Variants in HMCN2 observed in about 807,000 individuals in gnomAD.
HMCN2 encodes the protein hemicentin 2.
HMCN2 carries 325 observed loss-of-function variants against 377.5 expected under a neutral mutation model. The observed-to-expected ratio is 0.86, with a 90% CI of 0.79 to 0.94. The LOEUF (loss-of-function observed/expected upper bound fraction) is 0.94. Ranked by LOEUF, HMCN2 falls within the 40% of genes least tolerant of loss-of-function variation. The probability of loss-of-function intolerance (pLI) is 0.00; values close to 1 mark genes in which losing one functional copy is unlikely to be tolerated. For synonymous variants in HMCN2, 2,007 were observed against 2,046.8 expected (o/e 0.98, Z 0.53); for missense variants, 4,543 against 4,725.3 (o/e 0.96, Z 1.13).
rs28639618 is a variant in HMCN2, at chr9:130,428,711, G to T, written c.14197+222G>T. The stretch of plus-strand genomic sequence containing the variant: ...GCAGCTGGCACCTTCTTTGACAGGG[G>T]TGTTTTCTTTCTGCACCTCAGCATC... On this transcript the variant is annotated intron_variant, in intron 93 of 97. Transcript: ENST00000683500. The surrounding 1 kb of genome is among the most constrained non-coding windows in gnomAD (Gnocchi z 5.0). 6.8e-3 allele frequency among the ~76,000 whole-genome samples: 1,034 copies of T among 152,270 alleles called. 8 individuals carry two copies. The highest frequency in any genetic ancestry group is 0.023 in the African/African-American group (963 of 41,544).
rs1457618485 is a variant in HMCN2, at chr9:130,375,895, C to A, written c.7824C>A (p.Ile2608=). 1 of 985,844 alleles carries A rather than the reference C, an allele frequency of 1.0e-6. No homozygotes were observed. The highest frequency in any genetic ancestry group is 1.1e-4 in the East Asian group (1 of 8,828). 61.1% of individuals were successfully genotyped at this position (985,844 alleles called of 1,614,324 possible). Residue 2608 remains isoleucine, a synonymous_variant, in exon 51 of 98, where the codon ATC becomes ATA. Transcript: ENST00000683500. The stretch of plus-strand genomic sequence containing the variant: ...ACACAGGTACCCACGGGCTGCAGAT[C>A]CTGAATGCCCAGAAGGAAGATGCTG... ...QLLPGTHGLQ[I]LNAQKEDAGQ...
At chr9:130,348,430 G>A (rs1839507274) in intron 26 of HMCN2, 115 bp from the exon 27 acceptor site, 1 of 1,226,946 alleles carries the variant, frequency 8.2e-7, no homozygotes, top group Non-Finnish European at 1.0e-6. Flanking sequence ...GACGGGGACA[G>A]GCAGACCTTC....
intron 1 of HMCN2, among the ~76,000 whole-genome samples, chr9:130,266,372 C>T (rs1247415058): frequency 2.0e-5 from 3 of 152,046 alleles, no homozygotes; most frequent in African/African-American, 7.3e-5. Flanking sequence ...ACCTGCTCTC[C>T]CTGCTCTCCC....
Position 130,307,563 on chromosome 9 carries a change from C to G in HMCN2, c.2197C>G (p.Arg733Gly). Residue 733 changes from arginine to glycine, a missense_variant, in exon 14 of 98, where the codon CGA becomes GGA. Physicochemically the swap from Arg to Gly is moderately radical, Grantham distance 125. Coordinates refer to ENST00000683500, the MANE Select transcript of HMCN2 (RefSeq NM_001291815.2). ...GVPPPRVIWY[R>G]GGLEMILAPE... ...TCCCCCGCCCCGAGTCATCTGGTAT[C>G]GAGGTGTGTTGGTGGGGAGGGGCCC... 6.4e-6 allele frequency: 3 copies of G among 471,066 alleles called. No individual in the cohort carries two copies. The highest frequency in any genetic ancestry group is 1.3e-5 in the Non-Finnish European group (3 of 227,038). 29.2% of individuals were successfully genotyped at this position (471,066 alleles called of 1,614,324 possible).
At chr9:130,367,029 A>T (rs1412175213) in intron 43 of HMCN2, among the ~76,000 whole-genome samples, 2 of 152,138 alleles carry the variant, frequency 1.3e-5, no homozygotes, top group Non-Finnish European at 2.9e-5. Context: ...AGGGCTGAAC[A>T]TGAGAATATC....
intron 61 of HMCN2, among the ~76,000 whole-genome samples, chr9:130,386,868 C>T (rs1402581945): frequency 6.6e-6 from 1 of 152,220 alleles, no homozygotes; most frequent in South Asian, 2.1e-4. Flanking sequence ...CTGCCAGTGA[C>T]CTGCTTCATG....
intron 22 of HMCN2, among the ~76,000 whole-genome samples, chr9:130,332,413 G>C (rs1256727209): frequency 1.3e-5 from 2 of 152,330 alleles, no homozygotes; most frequent in East Asian, 3.9e-4. Flanking sequence ...TCTGCAAAAG[G>C]GGGTGTGGTA....
chr9:130,424,996 G>T lies in HMCN2; in HGVS notation c.13520-13G>T. The T allele has an allele frequency of 6.5e-7, 1 of 1,538,410 alleles. No individual in the cohort carries two copies. Among genetic ancestry groups the T allele is most frequent in the East Asian group, 2.5e-5 (1 of 40,776 alleles). The stretch of plus-strand genomic sequence containing the variant: ...CCCGTGGTGACTCTGGGCTGGGTGG[G>T]GATGGTTTGCAGGGGAGCTGCTCAC... On this transcript the variant is annotated splice_polypyrimidine_tract_variant and intron_variant, in intron 88 of 97. Transcript: ENST00000683500.
At position 130,319,252 on chromosome 9, in the gene HMCN2, G is replaced by T. The variant is rs949106078; in HGVS notation, c.2351-243G>T. Among the ~76,000 whole-genome samples, 174 of 152,084 alleles carry T rather than the reference G, an allele frequency of 1.1e-3. 1 individual carries two copies. The highest frequency in any genetic ancestry group is 4.0e-3 in the African/African-American group (166 of 41,486). On this transcript the variant is annotated intron_variant, in intron 15 of 97. Coordinates refer to ENST00000683500, the MANE Select transcript of HMCN2 (RefSeq NM_001291815.2). ...GCTGCTCCCTCCCCTGCACCTCTGG[G>T]GTAAAGCCAGGCCCCTGAGACCCCA...
At chr9:130,326,115 C>A (rs1366390347) in intron 21 of HMCN2, 145 bp downstream of exon 21, 1 of 152,282 alleles carries the variant, frequency 6.6e-6, no homozygotes, top group Non-Finnish European at 1.5e-5. Flanking sequence ...ACAGGACCCG[C>A]GTCCCCAGCA....
At chr9:130,315,046 C>T (rs962526365) in intron 15 of HMCN2, among the ~76,000 whole-genome samples, 4 of 151,906 alleles carry the variant, frequency 2.6e-5, no homozygotes, top group African/African-American at 9.7e-5. Flanking sequence ...GGGAGCGTGG[C>T]CTGACCAGCT....
chr9:130,362,285 G>T (rs1840428157), intron 39 of HMCN2, 120 bp downstream of exon 39: 3 of 613,772 alleles, frequency 4.9e-6, no homozygotes, highest in South Asian at 1.4e-4. Context: ...AGGGCCGAGG[G>T]CTAGAGGGAG....
chr9:130,407,784 C>G (rs1843181024), intron 83 of HMCN2, 79 bp downstream of exon 83: 1 of 1,076,920 alleles, frequency 9.3e-7, no homozygotes, highest in African/African-American at 1.7e-5. Context: ...TCCTAAGAAC[C>G]CAGCCTCCTG....
At chr9:130,299,461 G>C (rs543391371) in intron 8 of HMCN2, among the ~76,000 whole-genome samples, 173 bp downstream of exon 8, 7 of 152,272 alleles carry the variant, frequency 4.6e-5, no homozygotes, top group Non-Finnish European at 1.0e-4. Flanking sequence ...AAGATGCTCA[G>C]ATGTGGCTCT....
Position 130,362,893 on chromosome 9 carries a change from C to T in HMCN2, c.6135C>T (p.Thr2045=). 3.0e-6 allele frequency: 3 copies of T among 985,954 alleles called. No homozygotes were observed. Among genetic ancestry groups the T allele is most frequent in the Non-Finnish European group, 3.6e-6 (3 of 829,974 alleles). The allele number at this position is 985,954 out of a possible 1,614,324, so 61.1% of individuals were successfully genotyped here. A position where few individuals can be genotyped will look rare whatever the true frequency, so the allele number is the denominator to read the frequency against. The stretch of plus-strand genomic sequence containing the variant: ...TCTTCCCTGGGGGCCGGGTCCTCAC[C>T]TTGGCTAGTGCCCGGGCCTCCGACT... ...LQVFPGGRVL[T]LASARASDSG... Residue 2045 remains threonine (T), a synonymous_variant, in exon 40 of 98, where the codon ACC becomes ACT. Coordinates refer to ENST00000683500, the MANE Select transcript of HMCN2 (RefSeq NM_001291815.2).
chr9:130,335,271 A>G (rs995575810), intron 22 of HMCN2, among the ~76,000 whole-genome samples: 6 of 152,174 alleles, frequency 3.9e-5, no homozygotes, highest in East Asian at 1.9e-4. Context: ...GATTGAGTGT[A>G]TAAGTTTCAG....
rs1478191226 is a variant in HMCN2, at chr9:130,429,559, G to A, written c.14200G>A (p.Val4734Met). 1.3e-6 allele frequency: 2 copies of A among 1,550,298 alleles called. No homozygotes were observed. The highest frequency in any genetic ancestry group is 2.4e-5 in the East Asian group (1 of 40,918). The change falls in exon 94 of 98, where the codon GTG becomes ATG. Residue 4734 changes from valine (V) to methionine (M), a missense_variant and splice_region_variant. Val to Met is a conservative substitution (Grantham distance 21). Transcript: ENST00000683500. ...CCGACCATGCCCCTGCCTCCCAGAT[G>A]TGGACGAATGCCTGGAGGGGTTGGA... ...RVADGAGCED[V>M]DECLEGLDDC...
At chr9:130,311,443 G>T (rs890316902) in intron 15 of HMCN2, among the ~76,000 whole-genome samples, 1 of 152,188 alleles carries the variant, frequency 6.6e-6, no homozygotes, top group African/African-American at 2.4e-5. Context: ...CCAGGTGCTC[G>T]TGTGCCAGGC....
chr9:130,406,223 G>C, intron 82 of HMCN2, 55 bp downstream of exon 82: 1 of 1,272,598 alleles, frequency 7.9e-7, no homozygotes, highest in Non-Finnish European at 1.0e-6. Flanking sequence ...GGGAGGTTAA[G>C]AAGGGAGGGC....
Sources: gnomAD v4.1 joint callset for allele counts (sites outside exome capture counted in the v4.1 genomes callset) on GRCh38, gnomAD v4.1.1 for gene constraint, Gnocchi (gnomAD v3.1) non-coding constraint, MANE v1.5 for transcripts, NCBI Gene and HGNC (gene_info 2026-07-23, HGNC 2026-07-21) for gene names.